SRBD1: variants seen among roughly 807,000 people sequenced by gnomAD.
The protein encoded by SRBD1 is S1 RNA binding domain 1, also known as S1 RNA-binding domain-containing protein 1.
A neutral mutation model predicts 115.3 loss-of-function variants in SRBD1; 88 were observed. That is an observed-to-expected ratio of 0.76 (90% CI 0.64 to 0.91). SRBD1 has a LOEUF of 0.91. SRBD1 is among the 40% of genes least tolerant of loss of function. The pLI, the probability that SRBD1 is intolerant of heterozygous loss-of-function variation, is 0.00. For missense variants in SRBD1, 1,385 were observed against 1,177.4 expected (o/e 1.18, Z -2.58); for synonymous variants, 509 against 407.7 (o/e 1.25, Z -2.99).
intron 14 of SRBD1, among the ~76,000 whole-genome samples, chr2:45,535,603 A>G (rs931534182): frequency 3.3e-5 from 5 of 152,038 alleles, no homozygotes; most frequent in African/African-American, 1.2e-4. Flanking sequence ...AAGTCCACCC[A>G]GAACTCCAGA....
chr2:45,524,182 C>T (rs1671371269), intron 14 of SRBD1, among the ~76,000 whole-genome samples: 1 of 152,074 alleles, frequency 6.6e-6, no homozygotes, highest in East Asian at 1.9e-4. Flanking sequence ...GTAGGAAAAA[C>T]CCACAGTCAA....
intron 14 of SRBD1, among the ~76,000 whole-genome samples, chr2:45,490,033 T>C (rs1670246027): frequency 6.6e-6 from 1 of 152,158 alleles, no homozygotes; most frequent in Non-Finnish European, 1.5e-5. Context: ...AGGAGTCAAA[T>C]ACGTTCCATA....
chr2:45,504,207 T>A (rs777150673), intron 14 of SRBD1, among the ~76,000 whole-genome samples: 2 of 145,616 alleles, frequency 1.4e-5, no homozygotes, highest in Non-Finnish European at 3.0e-5. Context: ...GTTACAAGCC[T>A]GTTGGCCAAT....
intron 10 of SRBD1, among the ~76,000 whole-genome samples, chr2:45,559,547 C>T (rs1214761318): frequency 6.6e-6 from 1 of 152,128 alleles, no homozygotes; most frequent in Non-Finnish European, 1.5e-5. Context: ...AGCAGTATAT[C>T]TGTCTAATTT....
rs552292750 is a variant in SRBD1 at position 45,470,674 on chromosome 2, G to A, written c.2049+6319C>T. Among the ~76,000 whole-genome samples, 18 of 152,218 alleles carry A rather than the reference G, an allele frequency of 1.2e-4. 1 individual carries two copies. The South Asian group carries it at 3.3e-3, about 28-fold the overall frequency. ...GCCAAGCTAAACCACCATTCCCCAC[G>A]TCCCAGTGAACTCAACAGAGCCAAA... On this transcript the variant is annotated intron_variant, in intron 16 of 20. Transcript: ENST00000263736.
chr2:45,557,694 C>T (rs945332965), intron 10 of SRBD1, among the ~76,000 whole-genome samples: 2 of 152,172 alleles, frequency 1.3e-5, no homozygotes, highest in African/African-American at 4.8e-5. Flanking sequence ...TTATTGAAGG[C>T]ACTTAGCATA....
At chr2:45,480,448 C>T (rs1392479708) in intron 15 of SRBD1, among the ~76,000 whole-genome samples, 1 of 152,124 alleles carries the variant, frequency 6.6e-6, no homozygotes, top group Non-Finnish European at 1.5e-5. Flanking sequence ...TCATGGATGA[C>T]TTTGAGGGAT....
At chr2:45,601,839 A>C (rs1674101317) in intron 3 of SRBD1, 64 bp downstream of exon 3, 2 of 1,577,002 alleles carry the variant, frequency 1.3e-6, no homozygotes, top group South Asian at 2.4e-5. Flanking sequence ...CTGTAGAATA[A>C]GAAAATAACA....
chr2:45,495,240 A>G (rs1670419561), intron 14 of SRBD1, among the ~76,000 whole-genome samples: 2 of 152,200 alleles, frequency 1.3e-5, no homozygotes, highest in Admixed American at 1.3e-4. Flanking sequence ...ACCAACTAAA[A>G]AGCAGAGCTT....
chr2:45,537,002 T>A (rs191850385), intron 14 of SRBD1, among the ~76,000 whole-genome samples: 48 of 152,332 alleles, frequency 3.2e-4, no homozygotes, highest in African/African-American at 1.1e-3. Context: ...ATACTTAGCT[T>A]ACTGCATGAA....
chr2:45,519,303 T>C (rs953481666), intron 14 of SRBD1, among the ~76,000 whole-genome samples: 2 of 152,154 alleles, frequency 1.3e-5, no homozygotes, highest in African/African-American at 4.8e-5. Flanking sequence ...CTATACAACA[T>C]GGGGACCCCA....
At chr2:45,572,389 C>T (rs190518619) in intron 9 of SRBD1, among the ~76,000 whole-genome samples, 73 of 152,092 alleles carry the variant, frequency 4.8e-4, no homozygotes, top group Middle Eastern at 3.4e-3. Context: ...ACTATGCTTC[C>T]CATTACTGAA....
chr2:45,436,810 T>A (rs150504153), intron 16 of SRBD1, among the ~76,000 whole-genome samples: 1 of 152,132 alleles, frequency 6.6e-6, no homozygotes, highest in Non-Finnish European at 1.5e-5. Context: ...CCTAACCTTA[T>A]CATGAGGAAA....
intron 18 of SRBD1, among the ~76,000 whole-genome samples, chr2:45,414,815 T>C (rs62650650): frequency 0.14 from 3,854 of 27,434 alleles, 96 homozygotes; most frequent in Middle Eastern, 0.18. Flanking sequence ...TACACACACA[T>C]ATAGTGTGTA....
At chr2:45,448,747 G>A (rs1668903558) in intron 16 of SRBD1, among the ~76,000 whole-genome samples, 1 of 152,124 alleles carries the variant, frequency 6.6e-6, no homozygotes, top group Non-Finnish European at 1.5e-5. Flanking sequence ...AAAGAAATTA[G>A]AAAACAGGAT....
intron 3 of SRBD1, among the ~76,000 whole-genome samples, chr2:45,601,065 C>T (rs1674076689): frequency 1.3e-5 from 2 of 152,034 alleles, no homozygotes. Flanking sequence ...GAGTTGATAA[C>T]CTAATCAAAT....
At chr2:45,561,173 G>A (rs1011442813) in intron 10 of SRBD1, among the ~76,000 whole-genome samples, 5 of 152,076 alleles carry the variant, frequency 3.3e-5, no homozygotes, top group African/African-American at 1.2e-4. Context: ...ACACTTATTT[G>A]CCACTAGTGA....
chr2:45,554,404 C>T (rs1405328509), intron 10 of SRBD1, among the ~76,000 whole-genome samples: 1 of 152,238 alleles, frequency 6.6e-6, no homozygotes, highest in Non-Finnish European at 1.5e-5. Context: ...CAAGTTAAGA[C>T]AGCCACTGTA....
At chr2:45,582,617 T>C (rs543967625) in intron 5 of SRBD1, among the ~76,000 whole-genome samples, 66 of 152,308 alleles carry the variant, frequency 4.3e-4, no homozygotes, top group African/African-American at 1.4e-3. Context: ...CTACAATCCA[T>C]TGCTATCATT....
Sources: gnomAD v4.1 joint callset for allele counts (sites outside exome capture counted in the v4.1 genomes callset) on GRCh38, gnomAD v4.1.1 for gene constraint, MANE v1.5 for transcripts, NCBI Gene and HGNC (gene_info 2026-07-23, HGNC 2026-07-21) for gene names.